FRYL: variants seen among roughly 807,000 people sequenced by gnomAD.
The protein encoded by FRYL is FRY like transcription coactivator, also known as protein furry homolog-like.
FRYL carries 150 observed loss-of-function variants against 351.2 expected under a neutral mutation model. That is an observed-to-expected ratio of 0.43 (90% CI 0.37 to 0.49). FRYL has a LOEUF of 0.49. FRYL is among the 20% of genes least tolerant of loss of function. The pLI is 0.00. For synonymous variants in FRYL, 1,153 were observed against 1,257.1 expected, an observed-to-expected ratio of 0.92 and a Z score of 1.75; for missense variants, 3,036 against 3,619.3, an observed-to-expected ratio of 0.84 and a Z score of 4.13.
intron 1 of FRYL, among the ~76,000 whole-genome samples, chr4:48,755,783 T>TA (rs59064698): frequency 1.3e-4 from 19 of 151,740 alleles, no homozygotes; most frequent in African/African-American, 2.7e-4. Flanking sequence ...AACATTAAAA[T>TA]AAAAAAAACA....
intron 9 of FRYL, among the ~76,000 whole-genome samples, chr4:48,608,130 C>T (rs1451435835): frequency 6.6e-6 from 1 of 152,066 alleles, no homozygotes; most frequent in African/African-American, 2.4e-5. Flanking sequence ...TTAAAATACT[C>T]AAACCATGTT....
chr4:48,609,034 A>T lies in FRYL; in HGVS notation c.525T>A (p.Ile175=). The change falls in exon 9 of 64, where the codon ATT becomes ATA. Residue 175 remains isoleucine (I), a synonymous_variant. Transcript: ENST00000358350. ...YSGTNTGNVH[I]IADLYAEVIG... ...TCACCTCTGCATATAAATCAGCAAT[A>T]ATATGCACATTCCCAGTGTTGGTTC... 1 of 1,609,280 alleles carries T rather than the reference A, an allele frequency of 6.2e-7. No individual in the cohort carries two copies. Among genetic ancestry groups the T allele is most frequent in the Non-Finnish European group, 8.5e-7 (1 of 1,176,072 alleles).
Position 48,571,762 on chromosome 4 carries a change from A to G in FRYL, c.2905-844T>C, listed in dbSNP as rs999728230. Reference sequence around the variant, plus strand: ...GATGATTTCTTATCAGTCTTTGAAGATTTCTGCAACTGGCTTTTGCAGTTT... The same window carrying G: ...GATGATTTCTTATCAGTCTTTGAAGGTTTCTGCAACTGGCTTTTGCAGTTT... On this transcript the variant is annotated intron_variant, in intron 26 of 63. Coordinates refer to ENST00000358350, the MANE Select transcript of FRYL (RefSeq NM_015030.2). 5.1e-6 allele frequency: 5 copies of G among 971,294 alleles called. No individual in the cohort carries two copies. The Admixed American group carries it at 3.1e-4, about 60-fold the overall frequency. 60.2% of individuals were successfully genotyped at this position (971,294 alleles called of 1,614,324 possible). A position where few individuals can be genotyped will look rare whatever the true frequency, so the allele number is the denominator to read the frequency against.
At chr4:48,699,734 G>A (rs1017253200) in intron 2 of FRYL, among the ~76,000 whole-genome samples, 1 of 151,988 alleles carries the variant, frequency 6.6e-6, no homozygotes, top group African/African-American at 2.4e-5. Flanking sequence ...CTTCTTCTGG[G>A]TCCCTACATG....
intron 33 of FRYL, among the ~76,000 whole-genome samples, chr4:48,560,465 T>C (rs1394772345): frequency 6.6e-6 from 1 of 152,140 alleles, no homozygotes; most frequent in African/African-American, 2.4e-5. Flanking sequence ...GGTGTGGGCA[T>C]GGTGGACACC....
chr4:48,712,744 G>A (rs1033525281), intron 1 of FRYL, among the ~76,000 whole-genome samples: 8 of 152,096 alleles, frequency 5.3e-5, no homozygotes, highest in Admixed American at 4.6e-4. Context: ...CTCGAGAAGA[G>A]CAACTCCAAG....
chr4:48,653,853 A>G (rs1578543736), intron 3 of FRYL: 2 of 1,287,308 alleles, frequency 1.6e-6, no homozygotes, highest in South Asian at 1.2e-5. Context: ...CAGCAGCAGC[A>G]GCGGTTTTGC....
At chr4:48,720,091 A>T (rs1769298113) in intron 1 of FRYL, among the ~76,000 whole-genome samples, 1 of 149,918 alleles carries the variant, frequency 6.7e-6, no homozygotes, top group South Asian at 2.1e-4. Flanking sequence ...TGGAGATTGG[A>T]GTGAGCCAAG....
rs10604700 is a variant in FRYL at position 48,651,213 on chromosome 4, CGTGTGTGTGTGTGTGTGTGTGTGTGTGT to C, written c.-80-16751_-80-16724del. Among the ~76,000 whole-genome samples the C allele has an allele frequency of 8.6e-5, 9 of 104,962 alleles. No individual in the cohort carries two copies. In the East Asian group the frequency reaches 2.6e-3, roughly 31 times the overall value. 68.9% of individuals were successfully genotyped at this position (104,962 alleles called of 152,430 possible). A position where few individuals can be genotyped will look rare whatever the true frequency, so the allele number is the denominator to read the frequency against. On this transcript the variant is annotated intron_variant, in intron 3 of 63. Transcript: ENST00000358350. ...CCTGAGTAGCTGGGACCACATGCAC[CGTGTGTGTGTGTGTGTGTGTGTGTGTGT>C]GTGTGTGTGTGTGTGTGTAGTGGTA... is the stretch of plus-strand genomic sequence containing the variant.
At chr4:48,683,870 T>G (rs1764911875) in intron 3 of FRYL, among the ~76,000 whole-genome samples, 1 of 152,200 alleles carries the variant, frequency 6.6e-6, no homozygotes, top group Non-Finnish European at 1.5e-5. Flanking sequence ...TCCCCCTCTC[T>G]CCCTCCTTCT....
chr4:48,656,786 C>T (rs747817873), intron 3 of FRYL, among the ~76,000 whole-genome samples: 6 of 151,084 alleles, frequency 4.0e-5, no homozygotes, highest in African/African-American at 7.3e-5. Flanking sequence ...TTGGAACACA[C>T]GCAAGAAATT....
intron 4 of FRYL, among the ~76,000 whole-genome samples, chr4:48,630,302 AC>A (rs1455548981): frequency 1.3e-5 from 2 of 152,202 alleles, no homozygotes; most frequent in East Asian, 3.8e-4. Flanking sequence ...AGAAGGTAAA[AC>A]CAGCAGAAAA....
intron 52 of FRYL, 120 bp downstream of exon 52, chr4:48,527,851 T>A (rs760579153): frequency 6.2e-5 from 62 of 1,007,600 alleles, no homozygotes; most frequent in Non-Finnish European, 9.1e-5. Context: ...AATCTTTTTT[T>A]CATTCTGAGT....
intron 3 of FRYL, among the ~76,000 whole-genome samples, chr4:48,659,204 A>G (rs1269972571): frequency 2.0e-5 from 3 of 151,612 alleles, no homozygotes; most frequent in Non-Finnish European, 4.4e-5. Flanking sequence ...TACAAAAATT[A>G]GCCAGGCATA....
chr4:48,603,961 TGTG>T (rs1746208880), intron 11 of FRYL, among the ~76,000 whole-genome samples: 1 of 152,218 alleles, frequency 6.6e-6, no homozygotes, highest in Admixed American at 6.5e-5. Flanking sequence ...ACTCTTTCGA[TGTG>T]GTGGTCTTCC....
chr4:48,758,425 T>G lies in FRYL; in HGVS notation c.-384+21653A>C, dbSNP rs561940140. On this transcript the variant is annotated intron_variant, in intron 1 of 63. Coordinates refer to ENST00000358350, the MANE Select transcript of FRYL (RefSeq NM_015030.2). ...CCCATCAAAAAGTGGGCAAAGGATA[T>G]GAACAGACACTTCTCAAAAGAAGAC... Among the ~76,000 whole-genome samples the G allele has an allele frequency of 1.1e-4, 16 of 152,246 alleles. No homozygotes were observed. The East Asian group carries it at 2.9e-3, about 28-fold the overall frequency.
intron 3 of FRYL, chr4:48,637,859 T>G (rs1754546825): frequency 6.6e-6 from 1 of 152,104 alleles, no homozygotes; most frequent in South Asian, 2.1e-4. Context: ...ATAAAATAAA[T>G]TTAAATTCAG....
In FRYL at chr4:48,549,298, A is replaced by G. The variant is rs979272549; in HGVS notation, c.4784+175T>C. On this transcript the variant is annotated intron_variant, in intron 39 of 63. Transcript: ENST00000358350. The surrounding 1 kb of genome is among the most constrained non-coding windows in gnomAD (Gnocchi z 4.2). ...TTAGATTTAATAATATTAATTTTAT[A>G]AAGTTAGAATTCTGAGTTTTTTAGA... Among the ~76,000 whole-genome samples the G allele has an allele frequency of 6.6e-6, 1 of 152,224 alleles. No homozygotes were observed. The highest frequency in any genetic ancestry group is 1.5e-5 in the Non-Finnish European group (1 of 68,036).
In FRYL at chr4:48,684,212, T is replaced by A. The variant is rs138835652; in HGVS notation, c.-81+461A>T. On this transcript the variant is annotated intron_variant, in intron 3 of 63. Transcript: ENST00000358350. Reference sequence around the variant, plus strand: ...ATGATCTGTGCAAGATATGAAGGCATTGAAGATATGTCTCTCTACCCAAAA... The same window carrying A: ...ATGATCTGTGCAAGATATGAAGGCAATGAAGATATGTCTCTCTACCCAAAA... 1.8e-3 allele frequency among the ~76,000 whole-genome samples: 272 copies of A among 152,294 alleles called. 2 individuals are homozygous for A. Among genetic ancestry groups the A allele is most frequent in the African/African-American group, 5.9e-3 (245 of 41,552 alleles).
Sources: gnomAD v4.1 joint callset for allele counts (sites outside exome capture counted in the v4.1 genomes callset) on GRCh38, gnomAD v4.1.1 for gene constraint, Gnocchi (gnomAD v3.1) non-coding constraint, MANE v1.5 for transcripts, NCBI Gene and HGNC (gene_info 2026-07-23, HGNC 2026-07-21) for gene names.